The following CACNA1H variants were observed in gnomAD, a reference collection of about 807,000 sequenced individuals.
The protein encoded by CACNA1H is voltage-dependent T-type calcium channel subunit alpha-1H.
A neutral mutation model predicts 192.5 loss-of-function variants in CACNA1H; 149 were observed. The ratio of observed to expected loss-of-function variants is 0.77; its 90% CI spans 0.68 to 0.89. The LOEUF is 0.89. CACNA1H is among the 40% of genes least tolerant of loss of function. The pLI is 0.00. For missense variants in CACNA1H, 4,257 were observed against 3,423.5 expected, an observed-to-expected ratio of 1.24 and a Z score of -6.08; for synonymous variants, 2,202 against 1,475.2, an observed-to-expected ratio of 1.49 and a Z score of -11.29.
At chr16:1,179,992 C>A (rs1483119766) in intron 2 of CACNA1H, among the ~76,000 whole-genome samples, 1 of 152,224 alleles carries the variant, frequency 6.6e-6, no homozygotes, top group Non-Finnish European at 1.5e-5. Flanking sequence ...GCCTCGGCCT[C>A]CAAAAGTGCT....
chr16:1,214,104 C>T (rs1414446758), intron 27 of CACNA1H, among the ~76,000 whole-genome samples, 173 bp downstream of exon 27: 1 of 151,928 alleles, frequency 6.6e-6, no homozygotes. Flanking sequence ...AAACTCCCCT[C>T]CCCCTGTCCT....
At chr16:1,219,172 G>T (rs1198279298) in intron 34 of CACNA1H, 42 bp downstream of exon 34, 2 of 1,471,556 alleles carry the variant, frequency 1.4e-6, no homozygotes, top group Admixed American at 2.4e-5. Flanking sequence ...TGGCGGGGAT[G>T]GGGGGCTTGC....
intron 2 of CACNA1H, among the ~76,000 whole-genome samples, chr16:1,187,556 T>C (rs947841773): frequency 3.3e-5 from 5 of 152,344 alleles, no homozygotes; most frequent in African/African-American, 9.6e-5. Flanking sequence ...CAGATTGCTC[T>C]AGGGGACAGC....
chr16:1,215,273 C>T lies in CACNA1H; in HGVS notation c.5071C>T (p.Leu1691=), dbSNP rs752755463. Residue 1691 remains leucine, a synonymous_variant, in exon 29 of 35, where the codon CTG becomes TTG. Coordinates refer to ENST00000348261, the MANE Select transcript of CACNA1H (RefSeq NM_021098.3). ...CCAGCTGGACCTGGCCATCGTGCTG[C>T]TGTCACTCATGGGCATCACGCTGGA... ...WNQLDLAIVL[L]SLMGITLEEI... 1.9e-6 allele frequency: 3 copies of T among 1,607,106 alleles called. No individual in the cohort carries two copies. The highest frequency in any genetic ancestry group is 1.1e-5 in the South Asian group (1 of 89,746).
intron 2 of CACNA1H, among the ~76,000 whole-genome samples, chr16:1,169,676 CG>C (rs1964170524): frequency 6.6e-6 from 1 of 152,254 alleles, no homozygotes; most frequent in Non-Finnish European, 1.5e-5. Flanking sequence ...TTGTCTGGGT[CG>C]GCCACAGGCC....
At chr16:1,185,964 G>A (rs1468490062) in intron 2 of CACNA1H, among the ~76,000 whole-genome samples, 1 of 114,216 alleles carries the variant, frequency 8.8e-6, no homozygotes, top group Non-Finnish European at 1.7e-5. Context: ...GACGGCGTGC[G>A]TAGGGGCCGG....
In CACNA1H at chr16:1,202,172, C is replaced by G. The variant is rs763201457; in HGVS notation, c.1722C>G (p.Ser574Arg). 1.3e-6 allele frequency: 2 copies of G among 1,552,234 alleles called. No individual in the cohort carries two copies. The highest frequency in any genetic ancestry group is 1.2e-5 in the South Asian group (1 of 84,260). Reference sequence around the variant, plus strand: ...CCCCCGACGCAGAGTCTGTGCACAGCATCTACCATGCCGACTGCCACATAG... The same window carrying G: ...CCCCCGACGCAGAGTCTGTGCACAGGATCTACCATGCCGACTGCCACATAG... ...RGPPDAESVH[S>R]IYHADCHIEG... Residue 574 changes from serine to arginine, a missense_variant, in exon 9 of 35, where the codon AGC becomes AGG. Coordinates refer to ENST00000348261, the MANE Select transcript of CACNA1H (RefSeq NM_021098.3).
rs1189087142 is a variant in CACNA1H at position 1,153,192 on chromosome 16, G to A, written c.-297G>A. On this transcript the variant is annotated 5_prime_UTR_variant, in exon 1 of 35. Transcript: ENST00000348261. ...CCCCGGCCCGCGCCCCGCGCCCCGC[G>A]CCCCGCGCCCCGGCCTCACCCGTCC... 1 of 144,220 alleles carries A rather than the reference G, an allele frequency of 6.9e-6. No homozygotes were observed. The highest frequency in any genetic ancestry group is 1.8e-4 in the South Asian group (1 of 5,440). 8.9% of individuals were successfully genotyped at this position (144,220 alleles called of 1,614,324 possible).
Position 1,153,315 on chromosome 16 carries a change from G to T in CACNA1H, c.-174G>T. The T allele has an allele frequency of 6.9e-6, 1 of 145,030 alleles. No homozygotes were observed. Among genetic ancestry groups the T allele is most frequent in the South Asian group, 1.8e-4 (1 of 5,442 alleles). The allele number at this position is 145,030 out of a possible 1,614,324, so 9.0% of individuals were successfully genotyped here. On this transcript the variant is annotated 5_prime_UTR_variant, in exon 1 of 35. Coordinates refer to ENST00000348261, the MANE Select transcript of CACNA1H (RefSeq NM_021098.3). ...CCGCGGCCGGGAGCCGGGCGGGCTGGGGACGCGGGCCGGGGGCGGAGGCGC... is the reference window on the plus strand; with the variant it reads ...CCGCGGCCGGGAGCCGGGCGGGCTGTGGACGCGGGCCGGGGGCGGAGGCGC...
Position 1,221,082 on chromosome 16 carries a change from C to G in CACNA1H, c.*88C>G. 1.9e-6 allele frequency: 2 copies of G among 1,030,830 alleles called. No homozygotes were observed. The highest frequency in any genetic ancestry group is 3.4e-5 in the South Asian group (2 of 58,782). The allele number at this position is 1,030,830 out of a possible 1,614,324, so 63.9% of individuals were successfully genotyped here. A position where few individuals can be genotyped will look rare whatever the true frequency, so the allele number is the denominator to read the frequency against. ...GCCCAGGCAGAACCCTGCATGGACC[C>G]TGACTTGGGTCCCGTCGTGAGCAGA... is the stretch of plus-strand genomic sequence containing the variant. On this transcript the variant is annotated 3_prime_UTR_variant, in exon 35 of 35. Coordinates refer to ENST00000348261, the MANE Select transcript of CACNA1H (RefSeq NM_021098.3).
At chr16:1,181,408 G>A (rs535651540) in intron 2 of CACNA1H, among the ~76,000 whole-genome samples, 4 of 152,376 alleles carry the variant, frequency 2.6e-5, no homozygotes, top group African/African-American at 9.6e-5. Flanking sequence ...TGACGCCCGC[G>A]TCGGCCAGGA....
Position 1,202,101 on chromosome 16 carries a change from G to C in CACNA1H, c.1651G>C (p.Val551Leu). ...PEPGACDTRL[V>L]RAGAPPSPPS... ...GCCAGGCGCCTGCGACACCAGGCTG[G>C]TCCGAGCTGGCGCGCCCCCCTCGCC... Residue 551 changes from valine (V) to leucine (L), a missense_variant, in exon 9 of 35, where the codon GTC (valine) becomes CTC (leucine). By Grantham distance (32) the Val-to-Leu change is conservative. Coordinates refer to ENST00000348261, the MANE Select transcript of CACNA1H (RefSeq NM_021098.3). 1.3e-6 allele frequency: 2 copies of C among 1,545,028 alleles called. No individual in the cohort carries two copies. Among genetic ancestry groups the C allele is most frequent in the Non-Finnish European group, 1.7e-6 (2 of 1,145,722 alleles).
chr16:1,221,114 C>T lies in CACNA1H; in HGVS notation c.*120C>T, dbSNP rs1334889818. ...GGGTCCCGTCGTGAGCAGAAAGGCC[C>T]GGGGAGGATGACGGCCCAGGCCCTG... On this transcript the variant is annotated 3_prime_UTR_variant, in exon 35 of 35. Coordinates refer to ENST00000348261, the MANE Select transcript of CACNA1H (RefSeq NM_021098.3). The T allele has an allele frequency of 2.6e-5, 20 of 759,908 alleles. No homozygotes were observed. The highest frequency in any genetic ancestry group is 3.8e-4 in the Middle Eastern group (1 of 2,608). 47.1% of individuals were successfully genotyped at this position (759,908 alleles called of 1,614,324 possible). A position where few individuals can be genotyped will look rare whatever the true frequency, so the allele number is the denominator to read the frequency against.
At position 1,221,357 on chromosome 16, in the gene CACNA1H, G is replaced by C. The variant is rs1043962098; in HGVS notation, c.*363G>C. The C allele has an allele frequency of 6.3e-5, 21 of 332,742 alleles. No individual in the cohort carries two copies. Among genetic ancestry groups the C allele is most frequent in the African/African-American group, 3.6e-4 (17 of 46,698 alleles). 20.6% of individuals were successfully genotyped at this position (332,742 alleles called of 1,614,324 possible). A position where few individuals can be genotyped will look rare whatever the true frequency, so the allele number is the denominator to read the frequency against. Reference sequence around the variant, plus strand: ...TCCTTTCAGGCCCCGCGTTGTTACAGGACACTCGCTGGGGGCCCTGTGCCC... The same window carrying C: ...TCCTTTCAGGCCCCGCGTTGTTACACGACACTCGCTGGGGGCCCTGTGCCC... On this transcript the variant is annotated 3_prime_UTR_variant, in exon 35 of 35. Coordinates refer to ENST00000348261, the MANE Select transcript of CACNA1H (RefSeq NM_021098.3).
intron 29 of CACNA1H, 35 bp from the exon 30 acceptor site, chr16:1,215,488 G>C: frequency 6.2e-7 from 1 of 1,603,816 alleles, no homozygotes; most frequent in Non-Finnish European, 8.5e-7. Context: ...GGGAGGGTCC[G>C]CCCAGCCCTG....
intron 2 of CACNA1H, among the ~76,000 whole-genome samples, chr16:1,189,700 G>A (rs954899265): frequency 6.6e-6 from 1 of 152,096 alleles, no homozygotes; most frequent in Non-Finnish European, 1.5e-5. Context: ...TGGGATTATG[G>A]GTGTGAACCA....
rs1489207644 is a variant in CACNA1H, at chr16:1,219,043, CCCAGCCAGGAGCGGCGAGCCCCT to C, written c.5965_5987del (p.Ala1989ArgfsTer33). The C allele has an allele frequency of 1.9e-6, 3 of 1,550,100 alleles. No individual in the cohort carries two copies. Among genetic ancestry groups the C allele is most frequent in the Non-Finnish European group, 2.6e-6 (3 of 1,146,836 alleles). Reference sequence around the variant, plus strand: ...TCCAGATCCCATTGGCTGTGTCGTCCCCAGCCAGGAGCGGCGAGCCCCTCCACGCCCTGTCCCCTCGGGGCACA... The same window carrying C: ...TCCAGATCCCATTGGCTGTGTCGTCCCCACGCCCTGTCCCCTCGGGGCACA... On this transcript the variant is annotated frameshift_variant, in exon 34 of 35. Coordinates refer to ENST00000348261, the MANE Select transcript of CACNA1H (RefSeq NM_021098.3). LOFTEE classifies it high-confidence loss of function.
rs970336285 is a variant in CACNA1H, at chr16:1,180,279, C to T, written c.300-14693C>T. Among the ~76,000 whole-genome samples the T allele has an allele frequency of 3.3e-5, 5 of 152,192 alleles. No individual in the cohort carries two copies. The highest frequency in any genetic ancestry group is 9.7e-5 in the African/African-American group (4 of 41,444). On this transcript the variant is annotated intron_variant, in intron 2 of 34. Coordinates refer to ENST00000348261, the MANE Select transcript of CACNA1H (RefSeq NM_021098.3). This position sits in a 1 kb window ranked among gnomAD's most constrained non-coding sequence, Gnocchi z 4.4. ...GGTTTTCACACAGATTGAGACCAGG[C>T]GTCGCCCACAGAGCATAATGTGAGG...
At chr16:1,181,156 G>C (rs1965424641) in intron 2 of CACNA1H, among the ~76,000 whole-genome samples, 2 of 152,230 alleles carry the variant, frequency 1.3e-5, no homozygotes, top group African/African-American at 4.8e-5. Flanking sequence ...TCTTCCCCAA[G>C]GTCCCCTCCT....
Sources: gnomAD v4.1 joint callset for allele counts (sites outside exome capture counted in the v4.1 genomes callset) on GRCh38, gnomAD v4.1.1 for gene constraint, Gnocchi (gnomAD v3.1) non-coding constraint, MANE v1.5 for transcripts, NCBI Gene and HGNC (gene_info 2026-07-23, HGNC 2026-07-21) for gene names.